PPARGC1A: variants seen among roughly 807,000 people sequenced by gnomAD.
PPARGC1A encodes the protein PPARG coactivator 1 alpha, also known as peroxisome proliferator-activated receptor gamma coactivator 1-alpha.
PPARGC1A carries 25 observed loss-of-function variants against 88.7 expected under a neutral mutation model. The observed-to-expected ratio is 0.28, with a 90% CI of 0.21 to 0.39. The LOEUF (loss-of-function observed/expected upper bound fraction) is 0.39. Among genes scored for constraint, PPARGC1A ranks in the 10% least tolerant of loss-of-function variants. PPARGC1A has a pLI of 1.00. For synonymous variants in PPARGC1A, 363 were observed against 355.6 expected (o/e 1.02, Z -0.24); for missense variants, 880 against 968.7 (o/e 0.91, Z 1.22).
At chr4:24,089,500 C>CTTTTTT in the PPARGC1A span, among the ~76,000 whole-genome samples, 4 of 94,254 alleles carry the variant, frequency 4.2e-5, no homozygotes, top group African/African-American at 1.7e-4. Flanking sequence ...CTTTTCTTTT[C>CTTTTTT]TTTTCTTTTC....
At chr4:23,922,415 C>G in the PPARGC1A span, among the ~76,000 whole-genome samples, 4 of 152,204 alleles carry the variant, frequency 2.6e-5, no homozygotes, top group South Asian at 8.3e-4. Flanking sequence ...CTCCTCCTTT[C>G]TTTCCCCCAG....
chr4:23,826,870 A>G lies in PPARGC1A; in HGVS notation c.757+1530T>C, dbSNP rs3774910. On this transcript the variant is annotated intron_variant, in intron 5 of 12. Transcript: ENST00000264867. Reference sequence around the variant, plus strand: ...TTGTAAAAGTTTACTAAAAGAAAAAAAAAACAACTTTAAAACCTGTGCTGC... The same window carrying G: ...TTGTAAAAGTTTACTAAAAGAAAAAGAAAACAACTTTAAAACCTGTGCTGC... 4.2e-4 allele frequency among the ~76,000 whole-genome samples: 64 copies of G among 152,256 alleles called. 1 individual carries two copies. The East Asian group carries it at 0.011, about 27-fold the overall frequency.
chr4:24,238,890 C>G, the PPARGC1A span, among the ~76,000 whole-genome samples: 1 of 151,384 alleles, frequency 6.6e-6, no homozygotes, highest in Non-Finnish European at 1.5e-5. Context: ...ATCTGATTAC[C>G]GATTCCCTAT....
chr4:24,428,018 G>A, the PPARGC1A span, among the ~76,000 whole-genome samples: 1 of 152,022 alleles, frequency 6.6e-6, no homozygotes, highest in Admixed American at 6.6e-5. Context: ...GGGAGGCTGA[G>A]GGGTGAGGAT....
the PPARGC1A span, among the ~76,000 whole-genome samples, chr4:23,962,529 C>T: frequency 1.3e-5 from 2 of 152,242 alleles, no homozygotes; most frequent in African/African-American, 2.4e-5. Flanking sequence ...CAAAAGCAGT[C>T]AATGCTTCCT....
the PPARGC1A span, among the ~76,000 whole-genome samples, chr4:24,179,593 T>C: frequency 4.6e-5 from 7 of 152,142 alleles, no homozygotes; most frequent in Non-Finnish European, 1.0e-4. Context: ...GGTGACAGCC[T>C]GACGAGCCCC....
the PPARGC1A span, among the ~76,000 whole-genome samples, chr4:24,164,913 C>A: frequency 6.6e-6 from 1 of 152,052 alleles, no homozygotes; most frequent in Non-Finnish European, 1.5e-5. Context: ...TTTTGCAGAG[C>A]AAGTGCACTA....
chr4:24,138,923 G>A, the PPARGC1A span, among the ~76,000 whole-genome samples: 1 of 152,206 alleles, frequency 6.6e-6, no homozygotes, highest in South Asian at 2.1e-4. Context: ...ACACTCTGCG[G>A]CCTCTCCCAG....
chr4:24,394,909 TA>T, the PPARGC1A span, among the ~76,000 whole-genome samples: 6 of 152,176 alleles, frequency 3.9e-5, no homozygotes, highest in African/African-American at 1.2e-4. Flanking sequence ...TAAAAGCAAA[TA>T]ATATAGAGCT....
chr4:24,175,541 T>TTC, the PPARGC1A span, among the ~76,000 whole-genome samples: 3 of 143,150 alleles, frequency 2.1e-5, no homozygotes, highest in South Asian at 6.8e-4. Flanking sequence ...CACCAAGCTT[T>TTC]TTTTTTTTTT....
the PPARGC1A span, among the ~76,000 whole-genome samples, chr4:24,325,856 C>T: frequency 2.0e-5 from 3 of 152,216 alleles, no homozygotes; most frequent in African/African-American, 4.8e-5. Context: ...TGGGTATTGA[C>T]AGCCAGGCTT....
intron 1 of PPARGC1A, among the ~76,000 whole-genome samples, chr4:23,895,441 C>G (rs1221958673): frequency 6.6e-6 from 1 of 150,948 alleles, no homozygotes; most frequent in Non-Finnish European, 1.5e-5. Context: ...TTTGCTCTAG[C>G]TAAACTGATA....
chr4:24,431,874 T>C, the PPARGC1A span, among the ~76,000 whole-genome samples: 1 of 151,864 alleles, frequency 6.6e-6, no homozygotes, highest in Non-Finnish European at 1.5e-5. Context: ...AATATGGGAG[T>C]TGTCAACCAA....
At chr4:23,860,635 A>G (rs1446707581) in intron 2 of PPARGC1A, among the ~76,000 whole-genome samples, 1 of 152,240 alleles carries the variant, frequency 6.6e-6, no homozygotes, top group Admixed American at 6.5e-5. Flanking sequence ...AGGAAGCACC[A>G]CTAAACTCAA....
the PPARGC1A span, among the ~76,000 whole-genome samples, chr4:23,910,260 ATAT>A: frequency 1.7e-4 from 16 of 92,118 alleles, no homozygotes; most frequent in African/African-American, 2.7e-4. Flanking sequence ...TATATTATAT[ATAT>A]TAATATATAT....
the PPARGC1A span, among the ~76,000 whole-genome samples, chr4:24,036,329 T>C: frequency 6.6e-6 from 1 of 152,220 alleles, no homozygotes; most frequent in Admixed American, 6.5e-5. Flanking sequence ...GCAAAACCAC[T>C]TGGCAGTGTT....
the PPARGC1A span, among the ~76,000 whole-genome samples, chr4:24,008,029 C>A: frequency 6.6e-6 from 1 of 152,124 alleles, no homozygotes; most frequent in South Asian, 2.1e-4. Flanking sequence ...TCAGAATATT[C>A]AATAAAGGTT....
chr4:24,368,936 CAG>C, the PPARGC1A span, among the ~76,000 whole-genome samples: 2 of 152,110 alleles, frequency 1.3e-5, no homozygotes, highest in Non-Finnish European at 2.9e-5. Context: ...AGCAGACACA[CAG>C]AGTCTCCTGA....
the PPARGC1A span, among the ~76,000 whole-genome samples, chr4:24,126,560 G>A: frequency 6.6e-6 from 1 of 152,262 alleles, no homozygotes; most frequent in South Asian, 2.1e-4. Context: ...AGGGAGGCAG[G>A]AACTAGGTGA....
Sources: allele counts gnomAD v4.1 joint callset (sites outside exome capture counted in the v4.1 genomes callset), GRCh38; gene constraint gnomAD v4.1.1; transcripts MANE v1.5; gene names NCBI Gene and HGNC (gene_info 2026-07-23, HGNC 2026-07-21).